Variants in SLC24A2 observed in about 807,000 individuals in gnomAD.
SLC24A2 encodes the protein solute carrier family 24 member 2, also known as sodium/potassium/calcium exchanger 2.
Under a neutral mutation model 62.0 loss-of-function variants are expected in SLC24A2, and 36 were observed. The ratio of observed to expected loss-of-function variants is 0.58; its 90% CI spans 0.44 to 0.77. The LOEUF is 0.77. Among genes scored for constraint, SLC24A2 ranks in the 30% least tolerant of loss-of-function variants. The pLI is 0.00. For synonymous variants in SLC24A2, 358 were observed against 294.0 expected, an observed-to-expected ratio of 1.22 and a Z score of -2.23; for missense variants, 846 against 817.9, an observed-to-expected ratio of 1.03 and a Z score of -0.42.
At chr9:19,846,475 T>C in the SLC24A2 span, among the ~76,000 whole-genome samples, 4 of 152,332 alleles carry the variant, frequency 2.6e-5, no homozygotes, top group South Asian at 2.1e-4. Context: ...CCTGATCCTA[T>C]GGGTGTAATT....
the SLC24A2 span, among the ~76,000 whole-genome samples, chr9:20,115,714 C>T: frequency 6.6e-6 from 1 of 152,178 alleles, no homozygotes; most frequent in Admixed American, 6.6e-5. Context: ...CACTGACACA[C>T]TGTGTCCAAG....
the SLC24A2 span, among the ~76,000 whole-genome samples, chr9:20,170,499 G>T: frequency 5.3e-5 from 8 of 152,030 alleles, no homozygotes; most frequent in Non-Finnish European, 1.0e-4. Flanking sequence ...GAAGGCAAGG[G>T]GGACATGGGG....
At chr9:19,691,260 C>A (rs1301465236) in intron 2 of SLC24A2, among the ~76,000 whole-genome samples, 1 of 152,118 alleles carries the variant, frequency 6.6e-6, no homozygotes, top group Non-Finnish European at 1.5e-5. Context: ...ACAAAGGCCT[C>A]CAAGGATTGA....
intron 8 of SLC24A2, among the ~76,000 whole-genome samples, chr9:19,529,092 C>T (rs548047848): frequency 6.6e-6 from 1 of 152,268 alleles, no homozygotes; most frequent in South Asian, 2.1e-4. Flanking sequence ...TCAGACAGCA[C>T]AATGCTGTCA....
intron 2 of SLC24A2, among the ~76,000 whole-genome samples, chr9:19,682,996 C>T (rs936472855): frequency 6.6e-6 from 1 of 151,992 alleles, no homozygotes; most frequent in African/African-American, 2.4e-5. Flanking sequence ...AAAAAATACA[C>T]ATTATGAGTG....
intron 4 of SLC24A2, among the ~76,000 whole-genome samples, chr9:19,618,614 T>C (rs964614565): frequency 1.3e-5 from 2 of 152,218 alleles, no homozygotes; most frequent in African/African-American, 2.4e-5. Context: ...TCATATGAAC[T>C]TCTTGATTGC....
chr9:19,767,345 CA>C (rs1223684366), intron 2 of SLC24A2, among the ~76,000 whole-genome samples: 1 of 151,854 alleles, frequency 6.6e-6, no homozygotes, highest in Non-Finnish European at 1.5e-5. Flanking sequence ...GGGTTAAAAA[CA>C]AAAAACAAAA....
rs564737878 is a variant in SLC24A2, at chr9:19,625,762, C to T, written c.931-3463G>A. Among the ~76,000 whole-genome samples the T allele has an allele frequency of 2.0e-5, 3 of 150,730 alleles. No homozygotes were observed. In the South Asian group the frequency reaches 6.3e-4, roughly 32 times the overall value. On this transcript the variant is annotated intron_variant, in intron 2 of 10. Coordinates refer to ENST00000341998, the MANE Select transcript of SLC24A2 (RefSeq NM_020344.4). ...AGTGCAATGGCATGATCTCAGCTCA[C>T]TGCAACCTCTGCCTCTCAGGTTCAA...
chr9:20,066,234 T>A, the SLC24A2 span, among the ~76,000 whole-genome samples: 1 of 152,198 alleles, frequency 6.6e-6, no homozygotes, highest in African/African-American at 2.4e-5. Context: ...AACAAGGCTA[T>A]TTTTAAAAAG....
At chr9:20,088,406 G>A in the SLC24A2 span, among the ~76,000 whole-genome samples, 265 of 152,204 alleles carry the variant, frequency 1.7e-3, no homozygotes, top group African/African-American at 5.7e-3. Context: ...GCAGTCCTCC[G>A]ACACAGTGCA....
the SLC24A2 span, among the ~76,000 whole-genome samples, chr9:20,176,616 C>T: frequency 6.6e-6 from 1 of 152,112 alleles, no homozygotes; most frequent in Non-Finnish European, 1.5e-5. Context: ...CAACCATAGA[C>T]ACCGATGAAG....
chr9:20,009,740 C>A, the SLC24A2 span, among the ~76,000 whole-genome samples: 1 of 152,162 alleles, frequency 6.6e-6, no homozygotes, highest in Non-Finnish European at 1.5e-5. Flanking sequence ...AGTCAGGAGG[C>A]AACCGGCAAT....
At chr9:19,949,460 A>C in the SLC24A2 span, among the ~76,000 whole-genome samples, 29 of 152,350 alleles carry the variant, frequency 1.9e-4, no homozygotes, top group African/African-American at 6.0e-4. Flanking sequence ...AATGTGATGA[A>C]ATAGTCAAAG....
chr9:20,168,043 C>A, the SLC24A2 span, among the ~76,000 whole-genome samples: 1 of 151,956 alleles, frequency 6.6e-6, no homozygotes, highest in African/African-American at 2.4e-5. Flanking sequence ...CCCATAGGGT[C>A]ATTATCCATG....
the SLC24A2 span, among the ~76,000 whole-genome samples, chr9:20,112,129 T>G: frequency 6.6e-6 from 1 of 152,190 alleles, no homozygotes; most frequent in Non-Finnish European, 1.5e-5. Context: ...TTGTTAGCAC[T>G]AAGCTATTCA....
the SLC24A2 span, among the ~76,000 whole-genome samples, chr9:20,015,993 T>C: frequency 1.3e-5 from 2 of 152,240 alleles, no homozygotes; most frequent in South Asian, 2.1e-4. Context: ...CCTTCTATTA[T>C]TGCATGAACA....
At chr9:20,058,984 C>T in the SLC24A2 span, among the ~76,000 whole-genome samples, 26 of 152,264 alleles carry the variant, frequency 1.7e-4, no homozygotes, top group African/African-American at 5.8e-4. Flanking sequence ...TAATCCTGTC[C>T]TACTGTGCAG....
At chr9:20,135,712 G>A in the SLC24A2 span, among the ~76,000 whole-genome samples, 8 of 152,092 alleles carry the variant, frequency 5.3e-5, no homozygotes, top group Admixed American at 2.0e-4. Context: ...TTATGTGCTC[G>A]AACTAGTTTT....
chr9:19,519,641 G>C (rs1036864214), intron 10 of SLC24A2, among the ~76,000 whole-genome samples: 8 of 152,162 alleles, frequency 5.3e-5, no homozygotes, highest in Admixed American at 5.2e-4. Flanking sequence ...GCTCTGATGA[G>C]TTCCTGCTCT....
Sources: gnomAD v4.1 joint callset for allele counts (sites outside exome capture counted in the v4.1 genomes callset) on GRCh38, gnomAD v4.1.1 for gene constraint, MANE v1.5 for transcripts, NCBI Gene and HGNC (gene_info 2026-07-23, HGNC 2026-07-21) for gene names.